CDKL2: variants seen among roughly 807,000 people sequenced by gnomAD.
CDKL2 encodes cyclin-dependent kinase-like 2.
A neutral mutation model predicts 63.9 loss-of-function variants in CDKL2; 64 were observed. The observed-to-expected ratio is 1.00, with a 90% CI of 0.82 to 1.23. The LOEUF is 1.23. Among genes scored for constraint, CDKL2 ranks in the 50% most tolerant of loss-of-function variants. CDKL2 has a pLI of 0.00. For synonymous variants in CDKL2, 211 were observed against 229.2 expected, an observed-to-expected ratio of 0.92 and a Z score of 0.72; for missense variants, 656 against 668.0, an observed-to-expected ratio of 0.98 and a Z score of 0.20.
At position 75,592,372 on chromosome 4, in the gene CDKL2, T is replaced by A. The variant is rs144941409; in HGVS notation, c.1417-103A>T. On this transcript the variant is annotated intron_variant, in intron 10 of 13. Coordinates refer to ENST00000307465, the MANE Select transcript of CDKL2 (RefSeq NM_001330724.2). ...GTTCATATCCTAAAATTTGTGAAAT[T>A]GAAGGTCTATAATAAAAAATTTGAA... The A allele has an allele frequency of 4.4e-4, 420 of 962,918 alleles. 5 individuals are homozygous for A. The East Asian group carries it at 0.012, about 28-fold the overall frequency. 59.6% of individuals were successfully genotyped at this position (962,918 alleles called of 1,614,324 possible).
intron 7 of CDKL2, among the ~76,000 whole-genome samples, chr4:75,599,033 T>C (rs1729060469): frequency 6.6e-6 from 1 of 152,184 alleles, no homozygotes; most frequent in Non-Finnish European, 1.5e-5. Context: ...CTCACAAAAC[T>C]TTTATGAGAT....
intron 2 of CDKL2, among the ~76,000 whole-genome samples, chr4:75,614,847 G>C (rs1729855477): frequency 8.5e-6 from 1 of 117,842 alleles, no homozygotes; most frequent in Non-Finnish European, 1.8e-5. Flanking sequence ...AGAGTTCTCT[G>C]AAGCCAGTGA....
At chr4:75,607,498 A>T in intron 3 of CDKL2, 137 bp from the exon 4 acceptor site, 1 of 552,226 alleles carries the variant, frequency 1.8e-6, no homozygotes, top group Non-Finnish European at 3.1e-6. Context: ...GCCCTCAACA[A>T]CCTAGGACCT....
chr4:75,623,995 G>A (rs182694617), intron 2 of CDKL2, among the ~76,000 whole-genome samples: 15 of 151,616 alleles, frequency 9.9e-5, no homozygotes, highest in Admixed American at 2.0e-4. Context: ...TTAGCCAGGC[G>A]TGGTGGCGGG....
At chr4:75,579,672 G>A (rs1167676419) in intron 13 of CDKL2, among the ~76,000 whole-genome samples, 2 of 152,038 alleles carry the variant, frequency 1.3e-5, no homozygotes, top group Non-Finnish European at 2.9e-5. Context: ...GCGAAACTCC[G>A]TCTCAAAAAA....
At chr4:75,590,786 A>C (rs1442935141) in intron 12 of CDKL2, among the ~76,000 whole-genome samples, 2 of 152,192 alleles carry the variant, frequency 1.3e-5, no homozygotes, top group African/African-American at 4.8e-5. Flanking sequence ...CATACAGGAA[A>C]TCTCTATGAA....
At chr4:75,594,079 A>C (rs1728813360) in intron 10 of CDKL2, among the ~76,000 whole-genome samples, 1 of 152,216 alleles carries the variant, frequency 6.6e-6, no homozygotes, top group Non-Finnish European at 1.5e-5. Context: ...GTGTGAATAA[A>C]TGTATTATTA....
intron 2 of CDKL2, among the ~76,000 whole-genome samples, chr4:75,614,756 G>C (rs1244333410): frequency 6.6e-6 from 1 of 151,644 alleles, no homozygotes. Context: ...AATGAGATGG[G>C]ACTACTAAAT....
chr4:75,625,773 A>G (rs1730371228), intron 2 of CDKL2, 48 bp downstream of exon 2: 1 of 1,422,370 alleles, frequency 7.0e-7, no homozygotes, highest in Non-Finnish European at 9.6e-7. Context: ...ATTGCCAAAA[A>G]AGAAACTTAT....
At chr4:75,613,754 T>TA (rs879358178) in intron 3 of CDKL2, among the ~76,000 whole-genome samples, 4 of 152,082 alleles carry the variant, frequency 2.6e-5, no homozygotes, top group Non-Finnish European at 5.9e-5. Flanking sequence ...AATATTACCT[T>TA]AAAAAAGAAC....
At chr4:75,617,528 C>A (rs1729981303) in intron 2 of CDKL2, among the ~76,000 whole-genome samples, 1 of 152,060 alleles carries the variant, frequency 6.6e-6, no homozygotes, top group Admixed American at 6.6e-5. Context: ...ACTAAACAAA[C>A]CAACAAAAAT....
intron 13 of CDKL2, among the ~76,000 whole-genome samples, chr4:75,580,709 CTTTTTT>C (rs1464734360): frequency 1.1e-5 from 1 of 94,360 alleles, no homozygotes. Flanking sequence ...TTTTTTTTTT[CTTTTTT>C]TTTGAGACGG....
intron 1 of CDKL2, among the ~76,000 whole-genome samples, chr4:75,627,929 T>C (rs1403619243): frequency 1.3e-5 from 2 of 150,158 alleles, no homozygotes; most frequent in Non-Finnish European, 3.0e-5. Flanking sequence ...TGTTACTATA[T>C]TGAACTTAGA....
At chr4:75,620,061 C>G (rs2148909404) in intron 2 of CDKL2, among the ~76,000 whole-genome samples, 1 of 152,186 alleles carries the variant, frequency 6.6e-6, no homozygotes, top group African/African-American at 2.4e-5. Flanking sequence ...TGGCACATGC[C>G]TGTAGTCCAA....
At chr4:75,589,609 T>C (rs1466648656) in intron 12 of CDKL2, among the ~76,000 whole-genome samples, 1 of 152,000 alleles carries the variant, frequency 6.6e-6, no homozygotes, top group Non-Finnish European at 1.5e-5. Context: ...CGGCCGATAG[T>C]TTCTTATAAA....
At chr4:75,596,429 C>A in intron 9 of CDKL2, 89 bp from the exon 10 acceptor site, 1 of 758,324 alleles carries the variant, frequency 1.3e-6, no homozygotes, top group South Asian at 1.5e-5. Context: ...CACCAACTAA[C>A]AAGCAGTTTA....
intron 3 of CDKL2, among the ~76,000 whole-genome samples, chr4:75,613,313 C>G (rs1347696976): frequency 6.6e-6 from 1 of 151,972 alleles, no homozygotes; most frequent in African/African-American, 2.4e-5. Flanking sequence ...CAATAAAAGA[C>G]AGTTAAAAAA....
intron 10 of CDKL2, chr4:75,596,026 AAG>A: frequency 4.0e-5 from 2 of 49,470 alleles, no homozygotes; most frequent in Non-Finnish European, 7.3e-5. Flanking sequence ...GGAAGGAAGG[AAG>A]GAAGAAAGGA....
chr4:75,600,149 G>A, intron 7 of CDKL2, 132 bp downstream of exon 7: 1 of 599,898 alleles, frequency 1.7e-6, no homozygotes, highest in Non-Finnish European at 3.0e-6. Context: ...GGAATATGGG[G>A]GTAGAGTGGT....
Sources: allele counts gnomAD v4.1 joint callset (sites outside exome capture counted in the v4.1 genomes callset), GRCh38; gene constraint gnomAD v4.1.1; transcripts MANE v1.5; gene names NCBI Gene and HGNC (gene_info 2026-07-23, HGNC 2026-07-21).